Variants in GRM5 observed in about 807,000 individuals in gnomAD.
GRM5 encodes metabotropic glutamate receptor 5.
In GRM5, 19 loss-of-function variants were observed where a neutral mutation model predicts 83.1. The ratio of observed to expected loss-of-function variants is 0.23; its 90% confidence interval spans 0.16 to 0.34. The LOEUF is 0.34. Ranked by LOEUF, GRM5 falls within the 10% of genes least tolerant of loss-of-function variation. The probability of loss-of-function intolerance (pLI) is 1.00; values close to 1 mark genes in which losing one functional copy is unlikely to be tolerated. For synonymous variants in GRM5, 675 were observed against 633.6 expected, an observed-to-expected ratio of 1.07 and a Z score of -0.98; for missense variants, 1,160 against 1,588.3, an observed-to-expected ratio of 0.73 and a Z score of 4.58.
chr11:88,893,913 G>A (rs1400896745), intron 2 of GRM5, among the ~76,000 whole-genome samples: 1 of 152,006 alleles, frequency 6.6e-6, no homozygotes, highest in East Asian at 1.9e-4. Context: ...CAGATAGCAA[G>A]GGTGTAACAG....
intron 7 of GRM5, among the ~76,000 whole-genome samples, chr11:88,579,918 G>GTTATT (rs1365936030): frequency 6.6e-6 from 1 of 152,150 alleles, no homozygotes; most frequent in East Asian, 1.9e-4. Flanking sequence ...AAGTTAGGAG[G>GTTATT]TTATTTTCAG....
chr11:88,827,767 C>T (rs1051805005), intron 3 of GRM5, among the ~76,000 whole-genome samples: 1 of 152,274 alleles, frequency 6.6e-6, no homozygotes, highest in African/African-American at 2.4e-5. Context: ...TTTATAGTGA[C>T]ATAGGATAGA....
chr11:88,728,066 C>A (rs944328245), intron 3 of GRM5, among the ~76,000 whole-genome samples: 2 of 151,746 alleles, frequency 1.3e-5, no homozygotes, highest in Non-Finnish European at 2.9e-5. Context: ...AAAAACCCTT[C>A]AAAAAAATCA....
chr11:88,910,412 T>A (rs1345543227), intron 2 of GRM5, among the ~76,000 whole-genome samples: 1 of 152,136 alleles, frequency 6.6e-6, no homozygotes, highest in Non-Finnish European at 1.5e-5. Flanking sequence ...TTCTCAATAC[T>A]TCTTTGAGAA....
chr11:88,850,059 C>T lies in GRM5; in HGVS notation c.758G>A (p.Gly253Glu). ...AHSYKIYSNA[G>E]EQSFDKLLKK... is the part of the protein sequence containing the mutation. ...CAGCAGCTTATCAAAGCTCTGCTCC[C>T]CTGCATTACTGTAGATTTTGTAAGA... is the stretch of plus-strand genomic sequence containing the variant. Residue 253 changes from glycine (G) to glutamate (E), a missense_variant, in exon 3 of 10, where the codon GGG becomes GAG. Gly to Glu is a moderately conservative substitution (Grantham distance 98). Coordinates refer to ENST00000305447, the MANE Select transcript of GRM5 (RefSeq NM_001143831.3). 1 of 1,571,000 alleles carries T rather than the reference C, an allele frequency of 6.4e-7. No individual in the cohort carries two copies. The highest frequency in any genetic ancestry group is 8.8e-7 in the Non-Finnish European group (1 of 1,140,838).
chr11:88,772,698 T>G (rs1429633808), intron 3 of GRM5, among the ~76,000 whole-genome samples: 3 of 151,964 alleles, frequency 2.0e-5, no homozygotes, highest in Non-Finnish European at 4.4e-5. Flanking sequence ...GAACATGCGG[T>G]GTTTGGTTTT....
chr11:88,612,952 A>G (rs1217789476), intron 4 of GRM5: 2 of 152,130 alleles, frequency 1.3e-5, no homozygotes, highest in Non-Finnish European at 2.9e-5. Flanking sequence ...TCATTTTTTT[A>G]TCCCAAAGTC....
chr11:88,571,074 CACTT>C (rs1942990219), intron 7 of GRM5, among the ~76,000 whole-genome samples: 1 of 152,058 alleles, frequency 6.6e-6, no homozygotes, highest in African/African-American at 2.4e-5. Flanking sequence ...AGTAATTAAA[CACTT>C]AATTTTACCC....
chr11:88,967,231 G>GTATATATATATATACACATATA (rs905879513), intron 2 of GRM5, among the ~76,000 whole-genome samples: 6 of 133,604 alleles, frequency 4.5e-5, no homozygotes, highest in African/African-American at 1.1e-4. Context: ...GTGTGTGTAT[G>GTATATATATATATACACATATA]TATATATATA....
intron 9 of GRM5, among the ~76,000 whole-genome samples, chr11:88,510,486 A>G (rs1392147262): frequency 6.6e-6 from 1 of 151,572 alleles, no homozygotes; most frequent in African/African-American, 2.4e-5. Flanking sequence ...TACAAAGGTC[A>G]GAGAATGTGG....
chr11:88,984,883 T>C (rs1328551503), intron 2 of GRM5: 1 of 657,662 alleles, frequency 1.5e-6, no homozygotes, highest in Non-Finnish European at 2.8e-6. Flanking sequence ...ACCTGGCAAA[T>C]CATGAAAATA....
intron 3 of GRM5, among the ~76,000 whole-genome samples, chr11:88,713,669 A>T (rs918290096): frequency 6.6e-6 from 1 of 152,060 alleles, no homozygotes; most frequent in Non-Finnish European, 1.5e-5. Context: ...TGCAGAAATC[A>T]TAGAAAGAAA....
chr11:88,618,991 C>CT (rs991747921), intron 4 of GRM5, among the ~76,000 whole-genome samples: 5 of 152,138 alleles, frequency 3.3e-5, no homozygotes, highest in African/African-American at 9.7e-5. Context: ...GCTTTTCCTT[C>CT]TTTTTTTCTT....
At chr11:88,643,659 G>T (rs1268053613) in intron 4 of GRM5, among the ~76,000 whole-genome samples, 1 of 152,100 alleles carries the variant, frequency 6.6e-6, no homozygotes, top group Admixed American at 6.5e-5. Context: ...TCAAATCTGG[G>T]TGTTAGCTGT....
chr11:88,599,495 AAT>A (rs1937915698), intron 5 of GRM5, among the ~76,000 whole-genome samples: 1 of 152,220 alleles, frequency 6.6e-6, no homozygotes, highest in Non-Finnish European at 1.5e-5. Flanking sequence ...AGAAATAGAT[AAT>A]ATGTCTCCAC....
At chr11:88,943,432 A>C (rs1433125721) in intron 2 of GRM5, among the ~76,000 whole-genome samples, 1 of 152,074 alleles carries the variant, frequency 6.6e-6, no homozygotes, top group Non-Finnish European at 1.5e-5. Flanking sequence ...CAATTCTGAA[A>C]TGTGAAAGTC....
intron 4 of GRM5, among the ~76,000 whole-genome samples, chr11:88,624,570 G>A (rs1160373233): frequency 6.6e-6 from 1 of 152,154 alleles, no homozygotes. Context: ...TAATCCCAGT[G>A]CTTTGGGGGA....
At position 89,060,706 on chromosome 11, in the gene GRM5, T is replaced by C. The variant is rs1473147060; in HGVS notation, c.-201+5070A>G. ...AGGTAAAATATAGATTTTCATCTCCTATGAATTTAAAGGAAATGAAAGCAA... is the reference window on the plus strand; with the variant it reads ...AGGTAAAATATAGATTTTCATCTCCCATGAATTTAAAGGAAATGAAAGCAA... On this transcript the variant is annotated intron_variant, in intron 1 of 9. Transcript: ENST00000305447. Among the ~76,000 whole-genome samples, 3 of 152,264 alleles carry C rather than the reference T, an allele frequency of 2.0e-5. No individual in the cohort carries two copies. In the East Asian group the frequency reaches 5.8e-4, roughly 29 times the overall value.
At chr11:88,742,021 C>A (rs909743428) in intron 3 of GRM5, among the ~76,000 whole-genome samples, 5 of 151,832 alleles carry the variant, frequency 3.3e-5, no homozygotes, top group African/African-American at 1.2e-4. Context: ...CATCTGATTA[C>A]CATGTTCAGC....
Sources: allele counts gnomAD v4.1 joint callset (sites outside exome capture counted in the v4.1 genomes callset), GRCh38; gene constraint gnomAD v4.1.1; transcripts MANE v1.5; gene names NCBI Gene and HGNC (gene_info 2026-07-23, HGNC 2026-07-21).